The following B4GALNT2 variants were observed in gnomAD, a reference collection of about 807,000 sequenced individuals.
B4GALNT2 encodes beta-1,4-N-acetyl-galactosaminyltransferase 2 (SID blood group), also known as N-acetylneuraminylgalactosylglucosyl-glucoside beta-1,4-N- acetylgalactosaminyltransferase 2.
In B4GALNT2, 42 loss-of-function variants were observed where a neutral mutation model predicts 51.1. The observed-to-expected ratio is 0.82, with a 90% CI of 0.64 to 1.06. The LOEUF (loss-of-function observed/expected upper bound fraction) is 1.06. Among genes scored for constraint, B4GALNT2 ranks in the 50% least tolerant of loss-of-function variants. The pLI is 0.00. For synonymous variants in B4GALNT2, 253 were observed against 251.7 expected (o/e 1.01, Z -0.05); for missense variants, 602 against 633.6 (o/e 0.95, Z 0.54).
intron 1 of B4GALNT2, among the ~76,000 whole-genome samples, chr17:49,140,085 A>G (rs913225961): frequency 6.7e-6 from 1 of 149,984 alleles, no homozygotes. Context: ...ACGTGAATAA[A>G]AGCAAAACAG....
chr17:49,128,139 G>A (rs11654228), upstream of B4GALNT2, among the ~76,000 whole-genome samples: 77,155 of 151,924 alleles, frequency 0.51, 19,998 homozygotes, highest in Middle Eastern at 0.62. Flanking sequence ...AATTCCCTGC[G>A]GTAATGAGAG....
At chr17:49,165,065 A>C (rs144108929) in intron 8 of B4GALNT2, among the ~76,000 whole-genome samples, 70 of 152,096 alleles carry the variant, frequency 4.6e-4, no homozygotes, top group African/African-American at 1.6e-3. Context: ...CCTTTCACCT[A>C]GGCTTCCCAA....
chr17:49,166,782 C>T (rs1399918252), intron 9 of B4GALNT2, among the ~76,000 whole-genome samples: 1 of 151,926 alleles, frequency 6.6e-6, no homozygotes, highest in Non-Finnish European at 1.5e-5. Context: ...GCCTGGGCAA[C>T]ATGGCAAAAC....
At chr17:49,168,623 A>G (rs904752877) in intron 9 of B4GALNT2, 58 bp from the exon 10 acceptor site, 2 of 1,503,924 alleles carry the variant, frequency 1.3e-6, no homozygotes, top group African/African-American at 1.4e-5. Context: ...TCTTCCTGGA[A>G]GAGGCAGGAT....
rs1184738319 is a variant in B4GALNT2, at chr17:49,176,280, G to A, written c.*6552G>A. The A allele has an allele frequency of 6.6e-6, 1 of 152,240 alleles. No individual in the cohort carries two copies. Among genetic ancestry groups the A allele is most frequent in the Non-Finnish European group, 1.5e-5 (1 of 68,048 alleles). The allele number at this position is 152,240 out of a possible 1,614,324, so 9.4% of individuals were successfully genotyped here. ...AAAGACACACACACAGAAATATAGA[G>A]TGTGGAGTGGGAAATCAGGGGACTC... On this transcript the variant is annotated 3_prime_UTR_variant, in exon 11 of 11. Transcript: ENST00000393354.
intron 1 of B4GALNT2, among the ~76,000 whole-genome samples, chr17:49,137,982 A>G (rs2042605367): frequency 6.6e-6 from 1 of 152,178 alleles, no homozygotes; most frequent in Non-Finnish European, 1.5e-5. Context: ...AGTAGATATA[A>G]ACATAAAGTG....
At position 49,169,523 on chromosome 17, in the gene B4GALNT2, A is replaced by G. The variant is rs750696308; in HGVS notation, c.1316A>G (p.Glu439Gly). The change falls in exon 11 of 11, where the codon GAA (glutamate) becomes GGA (glycine). Residue 439 changes from glutamate (E) to glycine (G), a missense_variant and splice_region_variant. Physicochemically the swap from Glu to Gly is moderately conservative, Grantham distance 98. Transcript: ENST00000393354. The part of the protein sequence containing the change: ...DPRLQRVAHS[E>G]FFIDGLGTLL... The stretch of plus-strand genomic sequence containing the variant: ...CCTTCTGCTCTCCCTCTCTTTGCAG[A>G]ATTCTTCATTGATGGGCTAGGGACC... The G allele has an allele frequency of 6.2e-7, 1 of 1,610,710 alleles. No individual in the cohort carries two copies. The highest frequency in any genetic ancestry group is 1.1e-5 in the South Asian group (1 of 90,978).
intron 1 of B4GALNT2, among the ~76,000 whole-genome samples, chr17:49,137,037 T>A (rs967452803): frequency 4.6e-4 from 70 of 152,080 alleles, no homozygotes; most frequent in African/African-American, 1.7e-3. Flanking sequence ...ATATCAGATG[T>A]CTGCTCAGTT....
At chr17:49,147,630 C>A (rs958370223) in intron 3 of B4GALNT2, among the ~76,000 whole-genome samples, 2 of 152,046 alleles carry the variant, frequency 1.3e-5, no homozygotes, top group Non-Finnish European at 2.9e-5. Flanking sequence ...GCTGTCTCAG[C>A]CTCCCAAAGT....
At chr17:49,150,245 G>A (rs1427302712) in intron 3 of B4GALNT2, among the ~76,000 whole-genome samples, 1 of 143,552 alleles carries the variant, frequency 7.0e-6, no homozygotes, top group Non-Finnish European at 1.5e-5. Context: ...CGGGAGGGAG[G>A]TGGGGGGGTC....
rs112950632 is a variant in B4GALNT2 at position 49,158,575 on chromosome 17, T to C, written c.499-462T>C. Among the ~76,000 whole-genome samples, 525 of 143,092 alleles carry C rather than the reference T, an allele frequency of 3.7e-3. 1 individual carries two copies. Among genetic ancestry groups the C allele is most frequent in the African/African-American group, 0.013 (498 of 38,408 alleles). The allele number at this position is 143,092 out of a possible 152,430, so 93.9% of individuals were successfully genotyped here. ...ATTGCTTTAACCTGGGAGGTGGAGG[T>C]TGCAGTGAGCTGAGATCATGCACTG... On this transcript the variant is annotated intron_variant, in intron 5 of 10. Coordinates refer to ENST00000393354, the MANE Select transcript of B4GALNT2 (RefSeq NM_001159387.2).
intron 7 of B4GALNT2, among the ~76,000 whole-genome samples, chr17:49,162,499 C>T (rs1394403826): frequency 1.3e-5 from 2 of 152,150 alleles, no homozygotes; most frequent in Non-Finnish European, 2.9e-5. Flanking sequence ...TTCCTATCAA[C>T]ATTTTAAATG....
chr17:49,163,810 C>T (rs913147691), intron 7 of B4GALNT2, among the ~76,000 whole-genome samples: 5 of 143,612 alleles, frequency 3.5e-5, no homozygotes, highest in African/African-American at 1.3e-4. Flanking sequence ...AAAGTGCTAA[C>T]AGGCAGGAGG....
chr17:49,166,880 G>A (rs2042915862), intron 9 of B4GALNT2, among the ~76,000 whole-genome samples: 1 of 152,014 alleles, frequency 6.6e-6, no homozygotes, highest in African/African-American at 2.4e-5. Flanking sequence ...GAGGTGGGAG[G>A]ATCACCTGAG....
chr17:49,131,613 G>A (rs367629761), upstream of B4GALNT2, among the ~76,000 whole-genome samples: 300 of 151,736 alleles, frequency 2.0e-3, 3 homozygotes, highest in African/African-American at 5.8e-3. Flanking sequence ...AGAGATTCTC[G>A]TGTTCTCGTG....
chr17:49,125,767 CCCGT>C, the B4GALNT2 span, among the ~76,000 whole-genome samples: 12 of 94,678 alleles, frequency 1.3e-4, no homozygotes, highest in East Asian at 5.9e-4. Flanking sequence ...CAGCCCCCCG[CCCGT>C]CCGGCCGCCC....
rs2042976642 is a variant in B4GALNT2, at chr17:49,174,608, A to T, written c.*4880A>T. ...CCATGTACCTGATTTTTTCTTAATT[A>T]TAAAAACTGGAGAGTTCCAAGGGGA... On this transcript the variant is annotated 3_prime_UTR_variant, in exon 11 of 11. Coordinates refer to ENST00000393354, the MANE Select transcript of B4GALNT2 (RefSeq NM_001159387.2). The T allele has an allele frequency of 6.6e-6, 1 of 152,214 alleles. No homozygotes were observed. Among genetic ancestry groups the T allele is most frequent in the African/African-American group, 2.4e-5 (1 of 41,454 alleles). The allele number at this position is 152,214 out of a possible 1,614,324, so 9.4% of individuals were successfully genotyped here.
At chr17:49,128,424 G>T (rs2042521274), upstream of B4GALNT2, among the ~76,000 whole-genome samples, 4 of 152,172 alleles carry the variant, frequency 2.6e-5, no homozygotes, top group African/African-American at 9.7e-5. Context: ...AGAATGCAGA[G>T]GGGGTTCATC....
chr17:49,133,499 G>C (rs966229966), intron 1 of B4GALNT2, among the ~76,000 whole-genome samples: 1 of 152,058 alleles, frequency 6.6e-6, no homozygotes, highest in African/African-American at 2.4e-5. Context: ...TCTTTTATCC[G>C]CAAAGTTTAT....
Sources: gnomAD v4.1 joint callset for allele counts (sites outside exome capture counted in the v4.1 genomes callset) on GRCh38, gnomAD v4.1.1 for gene constraint, MANE v1.5 for transcripts, NCBI Gene and HGNC (gene_info 2026-07-23, HGNC 2026-07-21) for gene names.